Variants in MAGI1 observed in about 807,000 individuals in gnomAD.
MAGI1 encodes the protein membrane-associated guanylate kinase, WW and PDZ domain-containing protein 1.
Under a neutral mutation model 139.9 loss-of-function variants are expected in MAGI1, and 58 were observed. The observed-to-expected ratio is 0.41, with a 90% CI of 0.34 to 0.52. The LOEUF (loss-of-function observed/expected upper bound fraction) is 0.52, where lower values mean the gene tolerates loss of function less well. Ranked by LOEUF, MAGI1 falls within the 20% of genes least tolerant of loss-of-function variation. The pLI is 0.12. For missense variants in MAGI1, 1,874 were observed against 1,901.6 expected (o/e 0.99, Z 0.27); for synonymous variants, 812 against 737.9 (o/e 1.10, Z -1.63).
chr3:65,552,122 AGAGG>A (rs994564473), intron 2 of MAGI1, among the ~76,000 whole-genome samples: 18 of 152,152 alleles, frequency 1.2e-4, no homozygotes, highest in African/African-American at 3.9e-4. Context: ...ATTCCTGCTG[AGAGG>A]GTTCTCAAAG....
intron 1 of MAGI1, among the ~76,000 whole-genome samples, chr3:65,657,915 G>C (rs1310160868): frequency 6.6e-6 from 1 of 152,160 alleles, no homozygotes; most frequent in Admixed American, 6.5e-5. Context: ...TGTCAAACTA[G>C]CATAACAATA....
intron 2 of MAGI1, among the ~76,000 whole-genome samples, chr3:65,507,284 T>C (rs866057698): frequency 2.7e-4 from 41 of 152,234 alleles, no homozygotes; most frequent in African/African-American, 9.4e-4. Flanking sequence ...TGTTAACACA[T>C]GCTTTTTTCC....
chr3:65,428,529 T>C lies in MAGI1; in HGVS notation c.2167+991A>G, dbSNP rs79036381. Among the ~76,000 whole-genome samples, 834 of 152,178 alleles carry C rather than the reference T, an allele frequency of 5.5e-3. 6 individuals are homozygous for C. Among genetic ancestry groups the C allele is most frequent in the African/African-American group, 0.019 (794 of 41,536 alleles). ...AAACGCGAGCATGTGGAGGGAAGTG[T>C]TTAATATGATTAGCAGACCTCTTGT... On this transcript the variant is annotated intron_variant, in intron 12 of 22. Transcript: ENST00000402939.
chr3:65,692,327 A>G (rs2088750318), intron 1 of MAGI1, among the ~76,000 whole-genome samples: 1 of 152,162 alleles, frequency 6.6e-6, no homozygotes, highest in African/African-American at 2.4e-5. Flanking sequence ...CATTTAGCAG[A>G]TATTTGCTGA....
At chr3:65,536,102 C>T (rs2103153) in intron 2 of MAGI1, among the ~76,000 whole-genome samples, 145,353 of 152,308 alleles carry the variant, frequency 0.95, 69,725 homozygotes, top group East Asian at 1. Flanking sequence ...GTTATTTACA[C>T]TTATACGTTT....
At chr3:65,542,806 AAACCTAGGC>A (rs1389203931) in intron 2 of MAGI1, among the ~76,000 whole-genome samples, 1 of 152,226 alleles carries the variant, frequency 6.6e-6, no homozygotes, top group Non-Finnish European at 1.5e-5. Flanking sequence ...CCATAGAAGA[AAACCTAGGC>A]AATATCATTC....
chr3:65,888,947 G>T (rs893148162), intron 1 of MAGI1, among the ~76,000 whole-genome samples: 8 of 152,086 alleles, frequency 5.3e-5, no homozygotes, highest in Admixed American at 5.2e-4. Flanking sequence ...ATGTGTGTAT[G>T]TTTATGTATA....
intron 1 of MAGI1, chr3:65,893,833 T>C (rs2060861826): frequency 6.6e-6 from 1 of 152,194 alleles, no homozygotes; most frequent in South Asian, 2.1e-4. Context: ...GAAATGCTTG[T>C]CTCTGCTTCC....
At chr3:65,886,903 T>C (rs71306785) in intron 1 of MAGI1, among the ~76,000 whole-genome samples, 2,829 of 152,270 alleles carry the variant, frequency 0.019, 41 homozygotes, top group Non-Finnish European at 0.029. Flanking sequence ...TAATTTCTCC[T>C]ACCTGATCCT....
intron 1 of MAGI1, among the ~76,000 whole-genome samples, chr3:65,871,138 A>G (rs934923414): frequency 1.3e-5 from 2 of 151,944 alleles, no homozygotes; most frequent in African/African-American, 2.4e-5. Flanking sequence ...GTGTCTCACT[A>G]TGTTGCCCAA....
intron 2 of MAGI1, among the ~76,000 whole-genome samples, chr3:65,589,292 G>T (rs1009653793): frequency 6.6e-6 from 1 of 152,060 alleles, no homozygotes; most frequent in South Asian, 2.1e-4. Flanking sequence ...CGCTGTTTTG[G>T]ACAATCACTT....
intron 1 of MAGI1, among the ~76,000 whole-genome samples, chr3:65,968,471 A>G (rs2064864463): frequency 6.6e-6 from 1 of 152,138 alleles, no homozygotes; most frequent in African/African-American, 2.4e-5. Context: ...CTTGGTGCTG[A>G]TGGAAAAAGA....
At chr3:65,781,332 G>C (rs1240656764) in intron 1 of MAGI1, among the ~76,000 whole-genome samples, 1 of 152,194 alleles carries the variant, frequency 6.6e-6, no homozygotes. Flanking sequence ...ACTTACATGT[G>C]CTAGGCAGTA....
At chr3:65,961,633 T>C (rs932697097) in intron 1 of MAGI1, among the ~76,000 whole-genome samples, 5 of 152,196 alleles carry the variant, frequency 3.3e-5, no homozygotes, top group African/African-American at 1.2e-4. Context: ...GACTTGTTTT[T>C]AAAGGTCTAG....
intron 1 of MAGI1, among the ~76,000 whole-genome samples, chr3:65,755,844 A>G (rs1303624049): frequency 6.6e-6 from 1 of 152,198 alleles, no homozygotes; most frequent in Non-Finnish European, 1.5e-5. Flanking sequence ...ATTTAAGAAA[A>G]CTGTTACCCT....
intron 1 of MAGI1, among the ~76,000 whole-genome samples, chr3:65,915,563 G>A (rs1395073088): frequency 1.3e-5 from 2 of 152,104 alleles, no homozygotes; most frequent in East Asian, 3.9e-4. Flanking sequence ...ACTGGACTGG[G>A]AAGAGGAAAA....
intron 1 of MAGI1, among the ~76,000 whole-genome samples, chr3:65,998,573 T>A (rs1576410529): frequency 6.6e-6 from 1 of 152,236 alleles, no homozygotes; most frequent in African/African-American, 2.4e-5. Context: ...ATTTAGAGGT[T>A]AAGATTTAAG....
intron 22 of MAGI1, 141 bp downstream of exon 22, chr3:65,361,058 G>A: frequency 6.5e-7 from 1 of 1,550,306 alleles, no homozygotes; most frequent in Non-Finnish European, 8.7e-7. Flanking sequence ...GAACAAGCGA[G>A]GCAAATAATC....
chr3:65,686,575 G>T (rs2088052547), intron 1 of MAGI1, among the ~76,000 whole-genome samples: 1 of 152,208 alleles, frequency 6.6e-6, no homozygotes, highest in Non-Finnish European at 1.5e-5. Context: ...ACAGGCATGA[G>T]CCATCGCACC....
Sources: allele counts gnomAD v4.1 joint callset (sites outside exome capture counted in the v4.1 genomes callset), GRCh38; gene constraint gnomAD v4.1.1; transcripts MANE v1.5; gene names NCBI Gene and HGNC (gene_info 2026-07-23, HGNC 2026-07-21).